Variants in SGCZ observed in about 807,000 individuals in gnomAD.
The protein encoded by SGCZ is zeta-sarcoglycan.
A neutral mutation model predicts 41.3 loss-of-function variants in SGCZ; 40 were observed. The observed-to-expected ratio is 0.97, with a 90% CI of 0.75 to 1.26. The LOEUF is 1.26. Among genes scored for constraint, SGCZ ranks in the 50% most tolerant of loss-of-function variants. The probability of loss-of-function intolerance (pLI) is 0.00; values close to 1 mark genes in which losing one functional copy is unlikely to be tolerated. For synonymous variants in SGCZ, 206 were observed against 137.5 expected, an observed-to-expected ratio of 1.50 and a Z score of -3.49; for missense variants, 552 against 369.8, an observed-to-expected ratio of 1.49 and a Z score of -4.04.
At chr8:15,029,849 G>C (rs1484335833) in intron 1 of SGCZ, among the ~76,000 whole-genome samples, 2 of 152,076 alleles carry the variant, frequency 1.3e-5, no homozygotes, top group Non-Finnish European at 2.9e-5. Flanking sequence ...GCTTCCATGA[G>C]ATGATTATAA....
chr8:15,064,859 G>A (rs796881484), intron 1 of SGCZ, among the ~76,000 whole-genome samples: 3 of 152,150 alleles, frequency 2.0e-5, no homozygotes, highest in African/African-American at 7.2e-5. Context: ...AGAGAGAGCA[G>A]GATCTAGACC....
chr8:14,599,558 C>G (rs1480948571), intron 1 of SGCZ, among the ~76,000 whole-genome samples: 1 of 152,132 alleles, frequency 6.6e-6, no homozygotes, highest in East Asian at 1.9e-4. Flanking sequence ...TCTCTCTTCT[C>G]TAATATCTAG....
intron 4 of SGCZ, among the ~76,000 whole-genome samples, chr8:14,206,059 T>G (rs541218926): frequency 6.6e-6 from 1 of 152,228 alleles, no homozygotes; most frequent in South Asian, 2.1e-4. Flanking sequence ...TATGATTATC[T>G]AATTAAACAT....
At chr8:14,337,722 G>A (rs1205645240) in intron 2 of SGCZ, among the ~76,000 whole-genome samples, 1 of 152,142 alleles carries the variant, frequency 6.6e-6, no homozygotes, top group Non-Finnish European at 1.5e-5. Context: ...CAATTATCAA[G>A]GCCATTAAAA....
chr8:14,332,713 A>G (rs1802379587), intron 2 of SGCZ: 2 of 151,826 alleles, frequency 1.3e-5, no homozygotes, highest in South Asian at 4.1e-4. Flanking sequence ...AACCACCCAG[A>G]GTATTCAGTA....
rs192668674 is a variant in SGCZ, at chr8:14,085,073, A to T, written c.*5370T>A. On this transcript the variant is annotated 3_prime_UTR_variant, in exon 8 of 8. Transcript: ENST00000382080. The stretch of plus-strand genomic sequence containing the variant: ...CAATTAAGTTCCATCTAAACAAAAG[A>T]TACAATAGACTGATTTTTGAATAGA... 6.6e-6 allele frequency among the ~76,000 whole-genome samples: 1 copy of T among 151,926 alleles called. No individual in the cohort carries two copies.
chr8:14,382,461 C>G (rs1005106550), intron 2 of SGCZ, among the ~76,000 whole-genome samples: 1 of 151,920 alleles, frequency 6.6e-6, no homozygotes, highest in Non-Finnish European at 1.5e-5. Context: ...AGACCATCAC[C>G]TGGCACAGAG....
At position 14,991,615 on chromosome 8, in the gene SGCZ, TC is replaced by T. The variant is rs144129513; in HGVS notation, c.39+245969del. Among the ~76,000 whole-genome samples, 5 of 152,262 alleles carry T rather than the reference TC, an allele frequency of 3.3e-5. No individual in the cohort carries two copies. In the East Asian group the frequency reaches 5.8e-4, roughly 18 times the overall value. Reference sequence around the variant, plus strand: ...AACTCACAAGTTTCTACTCCCCATATCTGGTCATCTTCTAGAATTCCTTGTG... The same window carrying T: ...AACTCACAAGTTTCTACTCCCCATATTGGTCATCTTCTAGAATTCCTTGTG... On this transcript the variant is annotated intron_variant, in intron 1 of 7. Transcript: ENST00000382080.
intron 4 of SGCZ, among the ~76,000 whole-genome samples, chr8:14,208,424 G>A (rs1240513430): frequency 6.6e-6 from 1 of 152,122 alleles, no homozygotes; most frequent in Non-Finnish European, 1.5e-5. Flanking sequence ...ATGGAAGGTT[G>A]TCTCTCTAGA....
At chr8:14,558,097 C>G (rs185323677) in intron 1 of SGCZ, among the ~76,000 whole-genome samples, 1 of 152,050 alleles carries the variant, frequency 6.6e-6, no homozygotes, top group African/African-American at 2.4e-5. Context: ...AAAGATACAA[C>G]CTTCCTAGTT....
At chr8:15,129,243 C>G (rs147360824) in intron 1 of SGCZ, among the ~76,000 whole-genome samples, 3 of 152,100 alleles carry the variant, frequency 2.0e-5, no homozygotes, top group African/African-American at 7.2e-5. Context: ...CCCCTAATCG[C>G]GTCTATTAAT....
intron 1 of SGCZ, among the ~76,000 whole-genome samples, chr8:15,227,644 T>A (rs1449384749): frequency 6.6e-6 from 1 of 152,238 alleles, no homozygotes; most frequent in Non-Finnish European, 1.5e-5. Flanking sequence ...TGATGTGTTT[T>A]CTTATTATTT....
intron 1 of SGCZ, among the ~76,000 whole-genome samples, chr8:15,168,267 G>C (rs1433949215): frequency 1.3e-5 from 2 of 152,162 alleles, no homozygotes; most frequent in Non-Finnish European, 2.9e-5. Flanking sequence ...AGCTTAAAAG[G>C]CACAGCGCAG....
chr8:14,778,397 G>T (rs2130425562), intron 1 of SGCZ, among the ~76,000 whole-genome samples: 1 of 152,152 alleles, frequency 6.6e-6, no homozygotes, highest in South Asian at 2.1e-4. Flanking sequence ...AAAATCATAT[G>T]CATGAATTTG....
intron 1 of SGCZ, among the ~76,000 whole-genome samples, chr8:14,579,120 A>G (rs1804805596): frequency 6.6e-6 from 1 of 152,174 alleles, no homozygotes; most frequent in Non-Finnish European, 1.5e-5. Context: ...AGCAACAGAA[A>G]GAGAAAATAA....
chr8:14,754,501 A>C (rs1294699951), intron 1 of SGCZ, among the ~76,000 whole-genome samples: 1 of 152,148 alleles, frequency 6.6e-6, no homozygotes, highest in East Asian at 1.9e-4. Flanking sequence ...TGCCCATTAC[A>C]TTTAAGCTTC....
At chr8:15,146,615 T>C (rs1198780822) in intron 1 of SGCZ, among the ~76,000 whole-genome samples, 1 of 152,214 alleles carries the variant, frequency 6.6e-6, no homozygotes, top group Non-Finnish European at 1.5e-5. Flanking sequence ...TATAATTTTG[T>C]TTTCTATATG....
At chr8:14,910,388 A>G (rs1339163380) in intron 1 of SGCZ, among the ~76,000 whole-genome samples, 1 of 152,044 alleles carries the variant, frequency 6.6e-6, no homozygotes, top group Non-Finnish European at 1.5e-5. Flanking sequence ...AAAATGGCTT[A>G]ACTCAGTGTT....
chr8:14,263,724 C>T (rs1402307878), intron 3 of SGCZ, among the ~76,000 whole-genome samples: 1 of 152,022 alleles, frequency 6.6e-6, no homozygotes, highest in African/African-American at 2.4e-5. Context: ...CTTAAAATAC[C>T]AGGTGAGAGG....
Sources: gnomAD v4.1 joint callset for allele counts (sites outside exome capture counted in the v4.1 genomes callset) on GRCh38, gnomAD v4.1.1 for gene constraint, MANE v1.5 for transcripts, NCBI Gene and HGNC (gene_info 2026-07-23, HGNC 2026-07-21) for gene names.